Variants in MYBL2 observed in about 807,000 individuals in gnomAD.
MYBL2 encodes MYB proto-oncogene like 2, also known as myb-related protein B.
A neutral mutation model predicts 79.9 loss-of-function variants in MYBL2; 28 were observed. The observed-to-expected ratio is 0.35, with a 90% CI of 0.26 to 0.48. The LOEUF is 0.48. Among genes scored for constraint, MYBL2 ranks in the 20% least tolerant of loss-of-function variants. The pLI, the probability that MYBL2 is intolerant of heterozygous loss-of-function variation, is 0.99. For missense variants in MYBL2, 735 were observed against 893.9 expected (o/e 0.82, Z 2.27); for synonymous variants, 378 against 361.2 (o/e 1.05, Z -0.53).
chr20:43,690,423 G>A (rs1987379579), intron 5 of MYBL2, among the ~76,000 whole-genome samples: 1 of 151,504 alleles, frequency 6.6e-6, no homozygotes, highest in African/African-American at 2.4e-5. Flanking sequence ...CCAGGCTGGT[G>A]TTGAACTCCT....
intron 1 of MYBL2, among the ~76,000 whole-genome samples, chr20:43,671,405 C>T (rs1406504928): frequency 2.6e-5 from 4 of 151,650 alleles, no homozygotes; most frequent in Non-Finnish European, 4.4e-5. Flanking sequence ...ATCCACCCAC[C>T]TCGGCCTCCC....
rs113394045 is a variant in MYBL2, at chr20:43,697,468, G to A, written c.664-2289G>A. On this transcript the variant is annotated intron_variant, in intron 6 of 13. Transcript: ENST00000217026. The stretch of plus-strand genomic sequence containing the variant: ...CTACTAAAAATATAAAAAATTAACC[G>A]GGTGTGGTGGTGCACGCCTGTAGTC... Among the ~76,000 whole-genome samples, 157 of 151,260 alleles carry A rather than the reference G, an allele frequency of 1.0e-3. 1 individual carries two copies. The highest frequency in any genetic ancestry group is 3.4e-3 in the African/African-American group (138 of 41,172).
intron 13 of MYBL2, among the ~76,000 whole-genome samples, chr20:43,715,682 C>G (rs1988015252): frequency 6.6e-6 from 1 of 152,174 alleles, no homozygotes; most frequent in Admixed American, 6.5e-5. Context: ...TCCTTCTCAC[C>G]CGCCTCCTGG....
chr20:43,698,620 C>T (rs1021994138), intron 6 of MYBL2, among the ~76,000 whole-genome samples: 7 of 150,262 alleles, frequency 4.7e-5, no homozygotes, highest in African/African-American at 1.5e-4. Flanking sequence ...CCTTGTGATC[C>T]GCCCGTCTCG....
At position 43,682,789 on chromosome 20, in the gene MYBL2, C is replaced by A; in HGVS notation, c.187-5C>A. 1 of 1,613,718 alleles carries A rather than the reference C, an allele frequency of 6.2e-7. No individual in the cohort carries two copies. The highest frequency in any genetic ancestry group is 8.5e-7 in the Non-Finnish European group (1 of 1,179,690). ...GATTGGTTTGTTCTTCTGTTCTTTT[C>A]CCAGAACCGCACTGACCAGCAATGC... On this transcript the variant is annotated splice_region_variant and splice_polypyrimidine_tract_variant and intron_variant, in intron 3 of 13. Transcript: ENST00000217026.
intron 12 of MYBL2, 54 bp from the exon 13 acceptor site, chr20:43,715,079 TC>T (rs1987997732): frequency 6.2e-6 from 10 of 1,600,522 alleles, no homozygotes; most frequent in African/African-American, 5.4e-5. Flanking sequence ...GTTTTTTTCT[TC>T]CCTCTCACAG....
intron 6 of MYBL2, among the ~76,000 whole-genome samples, chr20:43,697,729 C>T (rs1987577139): frequency 6.6e-6 from 1 of 151,864 alleles, no homozygotes; most frequent in Non-Finnish European, 1.5e-5. Flanking sequence ...TGGTGAAACC[C>T]CATCTCTACT....
At position 43,681,691 on chromosome 20, in the gene MYBL2, G is replaced by A. The variant is rs1471384894; in HGVS notation, c.115-93G>A. 20 of 1,273,904 alleles carry A rather than the reference G, an allele frequency of 1.6e-5. No homozygotes were observed. The East Asian group carries it at 1.9e-4, about 12-fold the overall frequency. The allele number at this position is 1,273,904 out of a possible 1,614,324, so 78.9% of individuals were successfully genotyped here. On this transcript the variant is annotated intron_variant, in intron 2 of 13. Coordinates refer to ENST00000217026, the MANE Select transcript of MYBL2 (RefSeq NM_002466.4). ...TCACTTCATGACGGAATGGATGAAC[G>A]AGGCTGTTCTTTTAGATTGGGCTCT...
intron 2 of MYBL2, among the ~76,000 whole-genome samples, chr20:43,674,130 T>C (rs972477056): frequency 2.6e-5 from 4 of 151,684 alleles, no homozygotes; most frequent in Admixed American, 6.6e-5. Flanking sequence ...TCAGGGCCCA[T>C]TGTGTCTCCT....
intron 11 of MYBL2, among the ~76,000 whole-genome samples, 192 bp downstream of exon 11, chr20:43,711,793 C>T (rs1374781938): frequency 1.3e-5 from 2 of 152,190 alleles, no homozygotes; most frequent in African/African-American, 2.4e-5. Context: ...TGGGACCCTC[C>T]TCTGCTCTGC....
chr20:43,687,826 G>A (rs556866424), intron 5 of MYBL2, among the ~76,000 whole-genome samples: 1 of 152,008 alleles, frequency 6.6e-6, no homozygotes, highest in East Asian at 1.9e-4. Context: ...GACCAGCCTG[G>A]CCAACACAGT....
chr20:43,688,305 G>A lies in MYBL2; in HGVS notation c.500+1233G>A, dbSNP rs373016930. ...CAACCTCTGCCTCCCAGGTTGAAAC[G>A]ATTCTCCTGGTTCAGCCTCCCAAGT... On this transcript the variant is annotated intron_variant, in intron 5 of 13. Transcript: ENST00000217026. Among the ~76,000 whole-genome samples the A allele has an allele frequency of 1.0e-3, 154 of 151,716 alleles. 1 individual carries two copies. Among genetic ancestry groups the A allele is most frequent in the African/African-American group, 3.3e-3 (136 of 41,354 alleles).
chr20:43,690,553 A>G (rs982971190), intron 5 of MYBL2, among the ~76,000 whole-genome samples: 1 of 152,144 alleles, frequency 6.6e-6, no homozygotes, highest in African/African-American at 2.4e-5. Context: ...ATCTGGGCAA[A>G]GCACCAGGAG....
intron 1 of MYBL2, among the ~76,000 whole-genome samples, chr20:43,668,618 G>T (rs891346274): frequency 6.6e-6 from 1 of 151,676 alleles, no homozygotes; most frequent in Non-Finnish European, 1.5e-5. Flanking sequence ...TGTTCCTCAG[G>T]CCCCACTTTC....
chr20:43,710,308 C>T (rs918844150), intron 10 of MYBL2, among the ~76,000 whole-genome samples: 9 of 152,278 alleles, frequency 5.9e-5, no homozygotes, highest in Non-Finnish European at 1.2e-4. Flanking sequence ...GGTGGTATCC[C>T]GTGACACTCA....
intron 1 of MYBL2, among the ~76,000 whole-genome samples, chr20:43,672,739 TC>T (rs1986896978): frequency 6.6e-6 from 1 of 152,170 alleles, no homozygotes; most frequent in Non-Finnish European, 1.5e-5. Flanking sequence ...AGAGCCAGAC[TC>T]TGTCCCTAAA....
intron 6 of MYBL2, among the ~76,000 whole-genome samples, chr20:43,693,381 G>A (rs748359240): frequency 1.3e-5 from 2 of 151,874 alleles, no homozygotes; most frequent in Non-Finnish European, 1.5e-5. Flanking sequence ...AGTCTCTGTC[G>A]CTCAGGCTGG....
chr20:43,707,534 T>G (rs976177067), intron 9 of MYBL2, among the ~76,000 whole-genome samples: 2 of 152,134 alleles, frequency 1.3e-5, no homozygotes, highest in African/African-American at 2.4e-5. Context: ...TGGTGATGAG[T>G]TCTAATTTTT....
chr20:43,681,666 T>G (rs1293702866), intron 2 of MYBL2, 118 bp from the exon 3 acceptor site: 1 of 1,029,528 alleles, frequency 9.7e-7, no homozygotes, highest in African/African-American at 1.6e-5. Context: ...TTGTACGTAT[T>G]CACTTCATGA....
Sources: allele counts gnomAD v4.1 joint callset (sites outside exome capture counted in the v4.1 genomes callset), GRCh38; gene constraint gnomAD v4.1.1; transcripts MANE v1.5; gene names NCBI Gene and HGNC (gene_info 2026-07-23, HGNC 2026-07-21).